The following ADAD1 variants were observed in gnomAD, a reference collection of about 807,000 sequenced individuals.
ADAD1 encodes adenosine deaminase domain-containing protein 1.
A neutral mutation model predicts 66.8 loss-of-function variants in ADAD1; 46 were observed. That is an observed-to-expected ratio of 0.69 (90% CI 0.54 to 0.88). ADAD1 has a LOEUF of 0.88. ADAD1 is among the 40% of genes least tolerant of loss of function. ADAD1 has a pLI of 0.00. For missense variants in ADAD1, 617 were observed against 681.8 expected (o/e 0.91, Z 1.06); for synonymous variants, 248 against 229.4 (o/e 1.08, Z -0.73).
At position 122,396,177 on chromosome 4, in the gene ADAD1, G is replaced by T. The variant is rs376878207; in HGVS notation, c.599-75G>T. ...TATTATTAAATAATTTGATTGTAAG[G>T]TTATAATAAGAATAATAAGACAGCT... On this transcript the variant is annotated intron_variant, in intron 6 of 12. Transcript: ENST00000296513. 151 of 1,238,488 alleles carry T rather than the reference G, an allele frequency of 1.2e-4. 2 individuals are homozygous for T. The South Asian group carries it at 3.2e-3, about 27-fold the overall frequency. The allele number at this position is 1,238,488 out of a possible 1,614,324, so 76.7% of individuals were successfully genotyped here. A position where few individuals can be genotyped will look rare whatever the true frequency, so the allele number is the denominator to read the frequency against.
At chr4:122,402,131 A>T (rs1242280935) in intron 7 of ADAD1, among the ~76,000 whole-genome samples, 1 of 151,412 alleles carries the variant, frequency 6.6e-6, no homozygotes, top group Non-Finnish European at 1.5e-5. Flanking sequence ...ATTTTGGTGT[A>T]TTTTGACATT....
At chr4:122,393,728 A>G in intron 6 of ADAD1, 71 bp downstream of exon 6, 2 of 1,209,602 alleles carry the variant, frequency 1.7e-6, no homozygotes, top group Non-Finnish European at 2.3e-6. Context: ...ACATAATTAA[A>G]ATAAGCATAG....
At chr4:122,421,088 A>G (rs1254545744) in intron 11 of ADAD1, among the ~76,000 whole-genome samples, 173 bp from the exon 12 acceptor site, 2 of 152,166 alleles carry the variant, frequency 1.3e-5, no homozygotes, top group African/African-American at 4.8e-5. Context: ...AATTTAAGAA[A>G]TTTACTTCAG....
chr4:122,395,031 G>C (rs1795629523), intron 6 of ADAD1, among the ~76,000 whole-genome samples: 1 of 152,052 alleles, frequency 6.6e-6, no homozygotes. Context: ...TGTGTGGTTT[G>C]CTATATATAT....
At chr4:122,379,873 GA>G (rs759953774) in intron 2 of ADAD1, among the ~76,000 whole-genome samples, 188 bp from the exon 3 acceptor site, 2 of 152,098 alleles carry the variant, frequency 1.3e-5, no homozygotes, top group Non-Finnish European at 2.9e-5. Context: ...ATTCAGGAGA[GA>G]AGAGGTCCGT....
At chr4:122,418,667 A>G (rs747793904) in intron 11 of ADAD1, among the ~76,000 whole-genome samples, 13 of 152,304 alleles carry the variant, frequency 8.5e-5, no homozygotes, top group Non-Finnish European at 1.9e-4. Context: ...CTGTTCCTCA[A>G]AGTACCATTC....
intron 5 of ADAD1, among the ~76,000 whole-genome samples, chr4:122,386,617 G>A (rs1262225167): frequency 2.0e-5 from 3 of 152,100 alleles, no homozygotes; most frequent in African/African-American, 7.2e-5. Flanking sequence ...GCCCATGCCT[G>A]TGTCCTGAAT....
chr4:122,416,060 G>A (rs1012775332), intron 11 of ADAD1, among the ~76,000 whole-genome samples: 5 of 152,056 alleles, frequency 3.3e-5, no homozygotes, highest in South Asian at 4.1e-4. Context: ...GTACCCTTAC[G>A]TGTAAGAACT....
At chr4:122,397,690 T>G (rs867540551) in intron 7 of ADAD1, among the ~76,000 whole-genome samples, 1 of 152,098 alleles carries the variant, frequency 6.6e-6, no homozygotes, top group Non-Finnish European at 1.5e-5. Flanking sequence ...AAAAATACAT[T>G]TTTAAAAAAA....
At chr4:122,382,733 A>T (rs1794966462) in intron 4 of ADAD1, among the ~76,000 whole-genome samples, 1 of 152,208 alleles carries the variant, frequency 6.6e-6, no homozygotes, top group African/African-American at 2.4e-5. Flanking sequence ...TGTGTAATAT[A>T]CATAAGAATC....
chr4:122,415,224 A>G (rs1796674235), intron 10 of ADAD1, among the ~76,000 whole-genome samples, 155 bp from the exon 11 acceptor site: 1 of 152,174 alleles, frequency 6.6e-6, no homozygotes, highest in African/African-American at 2.4e-5. Flanking sequence ...GATTAAGAAT[A>G]TGGAGTAGAT....
At chr4:122,399,328 A>G (rs761769610) in intron 7 of ADAD1, among the ~76,000 whole-genome samples, 6 of 151,650 alleles carry the variant, frequency 4.0e-5, no homozygotes, top group Non-Finnish European at 7.4e-5. Context: ...ATTCTGTTCC[A>G]TTATTCTGCG....
At chr4:122,413,217 A>G (rs1377374667) in intron 10 of ADAD1, among the ~76,000 whole-genome samples, 3 of 152,114 alleles carry the variant, frequency 2.0e-5, no homozygotes, top group Non-Finnish European at 4.4e-5. Flanking sequence ...TCATATTTTG[A>G]GGAATTGTTT....
chr4:122,380,270 G>C, intron 3 of ADAD1, 29 bp downstream of exon 3: 1 of 1,587,054 alleles, frequency 6.3e-7, no homozygotes, highest in Non-Finnish European at 8.6e-7. Context: ...GTAACAATGA[G>C]TCAGTTCTTT....
At chr4:122,393,265 T>C (rs987754049) in intron 5 of ADAD1, among the ~76,000 whole-genome samples, 1 of 152,146 alleles carries the variant, frequency 6.6e-6, no homozygotes, top group Admixed American at 6.5e-5. Flanking sequence ...TAAAATGTTT[T>C]TCACAGTATT....
intron 5 of ADAD1, 107 bp downstream of exon 5, chr4:122,384,073 G>A: frequency 9.4e-7 from 1 of 1,060,024 alleles, no homozygotes; most frequent in Non-Finnish European, 1.3e-6. Flanking sequence ...CAAGATAGAA[G>A]TTGCAGGATT....
At chr4:122,403,103 C>T (rs182892937) in intron 7 of ADAD1, among the ~76,000 whole-genome samples, 1 of 152,296 alleles carries the variant, frequency 6.6e-6, no homozygotes, top group East Asian at 1.9e-4. Context: ...CTGGTTCCTT[C>T]TCATTTGGGG....
At position 122,396,314 on chromosome 4, in the gene ADAD1, A is replaced by G; in HGVS notation, c.661A>G (p.Ile221Val). ...QIVKERFNQL[I>V]SNRSEYLKYS... ...CGTTAAAGAAAGATTTAATCAACTAATTTCTAATCGTTCAGAATACCTGAA... is the reference window on the plus strand; with the variant it reads ...CGTTAAAGAAAGATTTAATCAACTAGTTTCTAATCGTTCAGAATACCTGAA... The change falls in exon 7 of 13, where the codon ATT (isoleucine) becomes GTT (valine). Residue 221 changes from isoleucine (I) to valine (V), a missense_variant. Physicochemically the swap from Ile to Val is conservative, Grantham distance 29 (BLOSUM62 3). Transcript: ENST00000296513. 1 of 1,604,604 alleles carries G rather than the reference A, an allele frequency of 6.2e-7. No individual in the cohort carries two copies. The highest frequency in any genetic ancestry group is 8.5e-7 in the Non-Finnish European group (1 of 1,175,566).
intron 8 of ADAD1, among the ~76,000 whole-genome samples, chr4:122,409,476 C>T (rs2150577178): frequency 6.6e-6 from 1 of 152,084 alleles, no homozygotes; most frequent in East Asian, 1.9e-4. Flanking sequence ...ATAATAGTCA[C>T]TTTAGGGTAA....
Sources: gnomAD v4.1 joint callset for allele counts (sites outside exome capture counted in the v4.1 genomes callset) on GRCh38, gnomAD v4.1.1 for gene constraint, MANE v1.5 for transcripts, NCBI Gene and HGNC (gene_info 2026-07-23, HGNC 2026-07-21) for gene names.